The following LSAMP variants were observed in gnomAD, a reference collection of about 807,000 sequenced individuals.
The protein encoded by LSAMP is limbic system-associated membrane protein.
In LSAMP, 7 loss-of-function variants were observed where a neutral mutation model predicts 38.6. The observed-to-expected ratio is 0.18, with a 90% CI of 0.10 to 0.34. The LOEUF (loss-of-function observed/expected upper bound fraction) is 0.34. Among genes scored for constraint, LSAMP ranks in the 10% least tolerant of loss-of-function variants. LSAMP has a pLI of 1.00. For missense variants in LSAMP, 313 were observed against 420.0 expected (o/e 0.75, Z 2.23); for synonymous variants, 154 against 166.8 (o/e 0.92, Z 0.59).
At chr3:115,901,344 C>T (rs1936869279) in intron 3 of LSAMP, among the ~76,000 whole-genome samples, 1 of 151,914 alleles carries the variant, frequency 6.6e-6, no homozygotes, top group South Asian at 2.1e-4. Flanking sequence ...CCTTGGCTGC[C>T]TTCTCTTCTC....
At chr3:116,302,789 A>G (rs77492928) in intron 1 of LSAMP, among the ~76,000 whole-genome samples, 14,600 of 152,244 alleles carry the variant, frequency 0.096, 826 homozygotes, top group Middle Eastern at 0.16. Flanking sequence ...ATTGGGATGG[A>G]TGATGGTTGG....
At chr3:116,168,630 G>A (rs984643252) in intron 1 of LSAMP, among the ~76,000 whole-genome samples, 2 of 152,144 alleles carry the variant, frequency 1.3e-5, no homozygotes, top group Admixed American at 1.3e-4. Context: ...GAATACCCCT[G>A]GCTATGCAAT....
At chr3:115,822,752 C>T (rs958298561) in intron 6 of LSAMP, among the ~76,000 whole-genome samples, 1 of 152,186 alleles carries the variant, frequency 6.6e-6, no homozygotes, top group Non-Finnish European at 1.5e-5. Flanking sequence ...CTTAGCATGT[C>T]ATCAATATTT....
At chr3:116,414,856 A>G (rs1212875393) in intron 1 of LSAMP, among the ~76,000 whole-genome samples, 1 of 152,118 alleles carries the variant, frequency 6.6e-6, no homozygotes, top group Non-Finnish European at 1.5e-5. Flanking sequence ...TCTGCTTTGT[A>G]TTGACCAAAT....
chr3:116,394,182 A>G (rs2048739327), intron 1 of LSAMP, among the ~76,000 whole-genome samples: 1 of 152,220 alleles, frequency 6.6e-6, no homozygotes. Flanking sequence ...ACAGGCTAAC[A>G]TTCAGATTCT....
chr3:115,857,601 C>T (rs1576154983), intron 3 of LSAMP, among the ~76,000 whole-genome samples: 1 of 152,126 alleles, frequency 6.6e-6, no homozygotes, highest in South Asian at 2.1e-4. Context: ...CTGCTCACAT[C>T]GCTGAGTGTT....
Position 115,802,482 on chromosome 3 carries a change from A to G in LSAMP, c.*7835T>C, listed in dbSNP as rs1933535089. ...GAAGAGAGAAACAGAATTTAAATAC[A>G]TTTAAAAAGAAAAGAAAAAAAGCTT... On this transcript the variant is annotated 3_prime_UTR_variant, in exon 7 of 7. Transcript: ENST00000490035. The G allele has an allele frequency of 6.6e-6, 1 of 151,842 alleles. No individual in the cohort carries two copies. The allele number at this position is 151,842 out of a possible 1,614,324, so 9.4% of individuals were successfully genotyped here.
chr3:116,322,301 T>A (rs1007241004), intron 1 of LSAMP, among the ~76,000 whole-genome samples: 2 of 152,218 alleles, frequency 1.3e-5, no homozygotes. Flanking sequence ...TAAAAGTACA[T>A]TTTGTTATAT....
chr3:116,110,391 C>T (rs1364853491), intron 1 of LSAMP, among the ~76,000 whole-genome samples: 1 of 152,210 alleles, frequency 6.6e-6, no homozygotes, highest in Non-Finnish European at 1.5e-5. Flanking sequence ...CGTGGTCTGA[C>T]ACCCTTGAAA....
intron 1 of LSAMP, among the ~76,000 whole-genome samples, chr3:116,248,401 C>A (rs915913442): frequency 7.3e-5 from 11 of 151,666 alleles, no homozygotes; most frequent in African/African-American, 2.7e-4. Flanking sequence ...ACTCAAGAGC[C>A]TGTGATGGGA....
At chr3:116,411,003 C>T (rs1052226381) in intron 1 of LSAMP, among the ~76,000 whole-genome samples, 14 of 152,132 alleles carry the variant, frequency 9.2e-5, no homozygotes, top group African/African-American at 2.9e-4. Flanking sequence ...GAAATTTAAT[C>T]GTAACAGTAT....
chr3:115,880,045 G>A (rs1297123665), intron 3 of LSAMP, among the ~76,000 whole-genome samples: 6 of 152,132 alleles, frequency 3.9e-5, no homozygotes, highest in Non-Finnish European at 2.9e-5. Flanking sequence ...AGATCTTACA[G>A]ATTTGAATAC....
At chr3:116,302,519 A>G (rs559169783) in intron 1 of LSAMP, among the ~76,000 whole-genome samples, 2 of 152,346 alleles carry the variant, frequency 1.3e-5, no homozygotes, top group African/African-American at 4.8e-5. Context: ...CACATCAATG[A>G]TTAATGCATT....
intron 1 of LSAMP, among the ~76,000 whole-genome samples, chr3:116,246,391 G>A (rs1420721172): frequency 6.6e-6 from 1 of 152,088 alleles, no homozygotes; most frequent in African/African-American, 2.4e-5. Flanking sequence ...AATTTCAGGA[G>A]TGCAACCACG....
At chr3:116,136,908 A>G (rs1305023193) in intron 1 of LSAMP, among the ~76,000 whole-genome samples, 14 of 152,154 alleles carry the variant, frequency 9.2e-5, no homozygotes, top group Non-Finnish European at 1.5e-5. Context: ...AGGGACTGCC[A>G]TAAAAAATAC....
At chr3:116,338,175 C>T (rs1167021778) in intron 1 of LSAMP, among the ~76,000 whole-genome samples, 2 of 151,982 alleles carry the variant, frequency 1.3e-5, no homozygotes, top group Non-Finnish European at 2.9e-5. Flanking sequence ...TTTTATCCTC[C>T]TCTAGACATA....
Position 115,914,946 on chromosome 3 carries a change from AG to A in LSAMP, c.515-62330del, listed in dbSNP as rs568229247. Among the ~76,000 whole-genome samples, 30 of 152,298 alleles carry A rather than the reference AG, an allele frequency of 2.0e-4. No individual in the cohort carries two copies. The South Asian group carries it at 5.8e-3, about 30-fold the overall frequency. Reference sequence around the variant, plus strand: ...GTCTGTATCCTGGGTTAGACTCCAAAGGGGGTGCAAGAATAATCACATTGAA... The same window carrying A: ...GTCTGTATCCTGGGTTAGACTCCAAAGGGGTGCAAGAATAATCACATTGAA... On this transcript the variant is annotated intron_variant, in intron 3 of 6. Coordinates refer to ENST00000490035, the MANE Select transcript of LSAMP (RefSeq NM_002338.5).
At chr3:116,041,548 T>C (rs1941170508) in intron 2 of LSAMP, among the ~76,000 whole-genome samples, 3 of 151,574 alleles carry the variant, frequency 2.0e-5, no homozygotes, top group South Asian at 2.1e-4. Context: ...TGCTTGTTCC[T>C]GTATTGGACA....
chr3:116,274,183 T>A (rs552659605), intron 1 of LSAMP, among the ~76,000 whole-genome samples: 1 of 152,276 alleles, frequency 6.6e-6, no homozygotes, highest in East Asian at 1.9e-4. Flanking sequence ...CTATGCTTGG[T>A]TCATGTGCTA....
Sources: allele counts gnomAD v4.1 joint callset (sites outside exome capture counted in the v4.1 genomes callset), GRCh38; gene constraint gnomAD v4.1.1; transcripts MANE v1.5; gene names NCBI Gene and HGNC (gene_info 2026-07-23, HGNC 2026-07-21).